SAMSN1: variants seen among roughly 807,000 people sequenced by gnomAD.
The protein encoded by SAMSN1 is SAM domain, SH3 domain and nuclear localization signals 1, also known as SAM domain-containing protein SAMSN-1.
In SAMSN1, 31 loss-of-function variants were observed where a neutral mutation model predicts 42.0. The observed-to-expected ratio is 0.74, with a 90% CI of 0.55 to 1.00. SAMSN1 has a LOEUF of 1.00. Ranked by LOEUF, SAMSN1 falls within the 50% of genes least tolerant of loss-of-function variation. The pLI is 0.00. For missense variants in SAMSN1, 464 were observed against 439.4 expected, an observed-to-expected ratio of 1.06 and a Z score of -0.50; for synonymous variants, 178 against 151.9, an observed-to-expected ratio of 1.17 and a Z score of -1.26.
chr21:14,625,312 C>T (rs1057077902), intron 2 of SAMSN1, among the ~76,000 whole-genome samples: 11 of 152,080 alleles, frequency 7.2e-5, no homozygotes, highest in South Asian at 6.2e-4. Context: ...ACAGGGTATT[C>T]AATTAGGAAA....
chr21:14,598,870 A>G (rs1281489232), intron 6 of SAMSN1, among the ~76,000 whole-genome samples: 3 of 152,220 alleles, frequency 2.0e-5, no homozygotes, highest in African/African-American at 7.2e-5. Context: ...GGAAATGATC[A>G]TAGGAAAATA....
At chr21:14,527,185 C>A (rs117728419) in intron 1 of SAMSN1, among the ~76,000 whole-genome samples, 3,761 of 152,298 alleles carry the variant, frequency 0.025, 76 homozygotes, top group Non-Finnish European at 0.038. Flanking sequence ...AATTCTGTTT[C>A]AGCACATCCT....
At chr21:14,602,664 TAA>T (rs1330474268) in intron 5 of SAMSN1, among the ~76,000 whole-genome samples, 4 of 152,230 alleles carry the variant, frequency 2.6e-5, no homozygotes, top group Non-Finnish European at 5.9e-5. Context: ...TTCATTTATT[TAA>T]GTCTGAAATA....
intron 5 of SAMSN1, among the ~76,000 whole-genome samples, chr21:14,508,674 A>G (rs58806655): frequency 0.045 from 6,901 of 152,282 alleles, 465 homozygotes; most frequent in African/African-American, 0.15. Context: ...TAAAAGTAGA[A>G]CGACCATTTG....
At chr21:14,631,526 C>T (rs1983327835) in intron 2 of SAMSN1, among the ~76,000 whole-genome samples, 1 of 152,134 alleles carries the variant, frequency 6.6e-6, no homozygotes, top group Non-Finnish European at 1.5e-5. Flanking sequence ...CACCACCACA[C>T]CCGGCAATTT....
intron 5 of SAMSN1, among the ~76,000 whole-genome samples, chr21:14,506,873 G>A (rs1378526225): frequency 1.3e-5 from 2 of 152,190 alleles, no homozygotes; most frequent in African/African-American, 4.8e-5. Flanking sequence ...TACCAGGGAT[G>A]CTGGGAGGGT....
chr21:14,657,423 A>G (rs1479333220), intron 1 of SAMSN1, among the ~76,000 whole-genome samples: 1 of 151,796 alleles, frequency 6.6e-6, no homozygotes, highest in Non-Finnish European at 1.5e-5. Context: ...TCCCTTCCCT[A>G]TATCACAGAG....
chr21:14,527,450 G>T (rs1978938440), intron 1 of SAMSN1, among the ~76,000 whole-genome samples: 1 of 152,104 alleles, frequency 6.6e-6, no homozygotes, highest in South Asian at 2.1e-4. Context: ...CCTCGTCTTC[G>T]ACACTCACGT....
intron 1 of SAMSN1, among the ~76,000 whole-genome samples, chr21:14,647,225 C>T (rs969057364): frequency 3.9e-5 from 6 of 152,040 alleles, no homozygotes; most frequent in Admixed American, 1.3e-4. Flanking sequence ...TTTCCCAGCA[C>T]CATTTATTAA....
chr21:14,557,709 C>T (rs180901573), intron 2 of SAMSN1, among the ~76,000 whole-genome samples: 5 of 152,218 alleles, frequency 3.3e-5, no homozygotes, highest in African/African-American at 4.8e-5. Context: ...ACACTCTTTT[C>T]CATCACCAGG....
chr21:14,571,314 C>T (rs1366797504), intron 2 of SAMSN1, among the ~76,000 whole-genome samples: 1 of 152,162 alleles, frequency 6.6e-6, no homozygotes, highest in African/African-American at 2.4e-5. Flanking sequence ...TTTAACGTAT[C>T]TTGTGCCCTG....
intron 1 of SAMSN1, among the ~76,000 whole-genome samples, chr21:14,658,091 C>A (rs1172063556): frequency 6.6e-6 from 1 of 151,774 alleles, no homozygotes; most frequent in Non-Finnish European, 1.5e-5. Flanking sequence ...TAAGCATTGG[C>A]AGATGGTCAC....
In SAMSN1 at chr21:14,615,959, A is replaced by G. The variant is rs1203006848; in HGVS notation, c.197+17T>C. 1.7e-5 allele frequency: 10 copies of G among 578,238 alleles called. No individual in the cohort carries two copies. In the East Asian group the frequency reaches 2.9e-4, roughly 17 times the overall value. The allele number at this position is 578,238 out of a possible 1,614,324, so 35.8% of individuals were successfully genotyped here. A position where few individuals can be genotyped will look rare whatever the true frequency, so the allele number is the denominator to read the frequency against. On this transcript the variant is annotated intron_variant, in intron 3 of 15. Coordinates refer to the SAMSN1 transcript ENST00000647101. Reference sequence around the variant, plus strand: ...GAACTAAGGGAACATGAAGTTTACCAAGTAAATTTGACTTACTTTCTCTTT... The same window carrying G: ...GAACTAAGGGAACATGAAGTTTACCGAGTAAATTTGACTTACTTTCTCTTT...
intron 7 of SAMSN1, among the ~76,000 whole-genome samples, chr21:14,593,352 G>A (rs1982149848): frequency 6.6e-6 from 1 of 152,004 alleles, no homozygotes; most frequent in Admixed American, 6.6e-5. Flanking sequence ...CTACAAATAG[G>A]ACTTATAGTT....
intron 2 of SAMSN1, among the ~76,000 whole-genome samples, chr21:14,563,056 G>GCACATGCA (rs1187253033): frequency 2.6e-5 from 4 of 152,046 alleles, no homozygotes; most frequent in Admixed American, 6.6e-5. Context: ...CAACATAAAT[G>GCACATGCA]CACATGCACA....
intron 5 of SAMSN1, among the ~76,000 whole-genome samples, chr21:14,603,365 A>G (rs1982485733): frequency 1.3e-5 from 2 of 152,240 alleles, no homozygotes; most frequent in African/African-American, 2.4e-5. Context: ...ATGCACTTTC[A>G]TAACAACACA....
intron 6 of SAMSN1, among the ~76,000 whole-genome samples, chr21:14,600,569 T>A (rs1982402034): frequency 6.6e-6 from 1 of 152,194 alleles, no homozygotes; most frequent in Admixed American, 6.5e-5. Flanking sequence ...AGAAGCATTG[T>A]TGTTAGGGTA....
intron 1 of SAMSN1, among the ~76,000 whole-genome samples, chr21:14,652,662 G>A (rs1022381247): frequency 2.6e-5 from 4 of 151,876 alleles, no homozygotes; most frequent in Non-Finnish European, 4.4e-5. Context: ...ACAACTATAG[G>A]CAACCAAAGC....
intron 1 of SAMSN1, among the ~76,000 whole-genome samples, chr21:14,582,966 T>C (rs968353984): frequency 1.3e-5 from 2 of 152,204 alleles, no homozygotes; most frequent in African/African-American, 2.4e-5. Flanking sequence ...TCTGAAATTG[T>C]CTATTTTAAT....
Sources: allele counts gnomAD v4.1 joint callset (sites outside exome capture counted in the v4.1 genomes callset), GRCh38; gene constraint gnomAD v4.1.1; transcripts MANE v1.5; gene names NCBI Gene and HGNC (gene_info 2026-07-23, HGNC 2026-07-21).